The following RPS6KC1 variants were observed in gnomAD, a reference collection of about 807,000 sequenced individuals.
RPS6KC1 encodes the protein inactive ribosomal protein S6 kinase delta-1.
Under a neutral mutation model 103.8 loss-of-function variants are expected in RPS6KC1, and 54 were observed. The ratio of observed to expected loss-of-function variants is 0.52; its 90% confidence interval spans 0.42 to 0.65. The LOEUF (loss-of-function observed/expected upper bound fraction) is 0.65, where lower values mean the gene tolerates loss of function less well. Among genes scored for constraint, RPS6KC1 ranks in the 30% least tolerant of loss-of-function variants. The probability of loss-of-function intolerance (pLI) is 0.00; values close to 1 mark genes in which losing one functional copy is unlikely to be tolerated. For synonymous variants in RPS6KC1, 439 were observed against 438.7 expected (o/e 1.00, Z -0.01); for missense variants, 1,151 against 1,253.8 (o/e 0.92, Z 1.24).
the RPS6KC1 span, among the ~76,000 whole-genome samples, chr1:213,495,561 T>C: frequency 2.6e-5 from 4 of 152,196 alleles, no homozygotes; most frequent in African/African-American, 9.6e-5. Flanking sequence ...ACTCAGGTGA[T>C]CTGCCTGCCT....
intron 6 of RPS6KC1, among the ~76,000 whole-genome samples, chr1:213,137,777 C>CTCTCTCTCTCTA (rs1387641875): frequency 6.8e-4 from 43 of 63,580 alleles, no homozygotes; most frequent in Non-Finnish European, 8.4e-4. Flanking sequence ...CTCTCTCTCT[C>CTCTCTCTCTCTA]TATATATATA....
the RPS6KC1 span, among the ~76,000 whole-genome samples, chr1:213,637,011 G>A: frequency 9.2e-5 from 14 of 152,164 alleles, no homozygotes; most frequent in Non-Finnish European, 1.9e-4. Context: ...ACACATGAAA[G>A]AATGCTCATC....
At chr1:213,667,527 T>A in the RPS6KC1 span, among the ~76,000 whole-genome samples, 1 of 152,248 alleles carries the variant, frequency 6.6e-6, no homozygotes, top group African/African-American at 2.4e-5. Context: ...CAGGTGGTAA[T>A]CTTTTTGCTG....
At chr1:213,299,204 G>T in the RPS6KC1 span, among the ~76,000 whole-genome samples, 2 of 152,230 alleles carry the variant, frequency 1.3e-5, no homozygotes, top group Admixed American at 1.3e-4. Flanking sequence ...CCTAGCTGCA[G>T]AAATCACATA....
the RPS6KC1 span, among the ~76,000 whole-genome samples, chr1:213,704,385 CAAAAAAA>C: frequency 7.2e-5 from 2 of 27,662 alleles, no homozygotes; most frequent in African/African-American, 9.5e-5. Flanking sequence ...GACTCCGTCT[CAAAAAAA>C]AAAAAAAAAA....
At chr1:213,166,927 GTCTCGTATA>G (rs1375436806) in intron 6 of RPS6KC1, among the ~76,000 whole-genome samples, 3 of 152,140 alleles carry the variant, frequency 2.0e-5, no homozygotes, top group African/African-American at 7.2e-5. Context: ...TTTCTTTTAA[GTCTCGTATA>G]TCTGCTTTCT....
chr1:213,836,627 T>C, the RPS6KC1 span, among the ~76,000 whole-genome samples: 1 of 152,260 alleles, frequency 6.6e-6, no homozygotes, highest in Admixed American at 6.5e-5. Flanking sequence ...CAAACTTTTT[T>C]GATTGATAAA....
At chr1:213,677,171 T>A in the RPS6KC1 span, among the ~76,000 whole-genome samples, 2 of 152,202 alleles carry the variant, frequency 1.3e-5, no homozygotes, top group Admixed American at 1.3e-4. Flanking sequence ...TCTCTTGCCT[T>A]CTCCATCCCT....
At chr1:213,298,762 A>C in the RPS6KC1 span, among the ~76,000 whole-genome samples, 3 of 152,114 alleles carry the variant, frequency 2.0e-5, no homozygotes, top group East Asian at 5.8e-4. Context: ...CTTGTTTTAT[A>C]ATGTAATTTT....
chr1:213,675,525 G>C, the RPS6KC1 span, among the ~76,000 whole-genome samples: 1 of 152,140 alleles, frequency 6.6e-6, no homozygotes, highest in African/African-American at 2.4e-5. Context: ...GCTTATTTTT[G>C]TTGGTCTTAC....
At chr1:213,461,898 A>G in the RPS6KC1 span, among the ~76,000 whole-genome samples, 247 of 152,362 alleles carry the variant, frequency 1.6e-3, 1 homozygote, top group South Asian at 9.1e-3. Flanking sequence ...AGCAATGGCA[A>G]CAAAAGCCAA....
the RPS6KC1 span, among the ~76,000 whole-genome samples, chr1:213,753,234 T>C: frequency 1.3e-5 from 2 of 152,158 alleles, no homozygotes; most frequent in African/African-American, 4.8e-5. Context: ...TATTTTAGTG[T>C]AAGGTCAAAG....
chr1:213,374,765 G>A, the RPS6KC1 span, among the ~76,000 whole-genome samples: 3 of 152,234 alleles, frequency 2.0e-5, no homozygotes, highest in Non-Finnish European at 4.4e-5. Flanking sequence ...TGGCTGGAAT[G>A]AGAAATGTGG....
chr1:213,323,210 C>T, the RPS6KC1 span, among the ~76,000 whole-genome samples: 2 of 152,106 alleles, frequency 1.3e-5, no homozygotes, highest in East Asian at 3.8e-4. Context: ...TAGACCCACC[C>T]CATAATCTAG....
intron 1 of RPS6KC1, among the ~76,000 whole-genome samples, chr1:213,061,816 GAA>G (rs1003993905): frequency 7.2e-5 from 11 of 152,094 alleles, no homozygotes; most frequent in Non-Finnish European, 1.5e-4. Flanking sequence ...TTTGAAAAAT[GAA>G]AAGAGTGGAC....
intron 6 of RPS6KC1, among the ~76,000 whole-genome samples, chr1:213,135,607 A>G (rs116391632): frequency 0.024 from 3,679 of 152,248 alleles, 64 homozygotes; most frequent in African/African-American, 0.043. Flanking sequence ...AATTTTTCAG[A>G]TCTTAACTGT....
chr1:213,494,466 T>C, the RPS6KC1 span, among the ~76,000 whole-genome samples: 3 of 151,948 alleles, frequency 2.0e-5, no homozygotes, highest in African/African-American at 7.2e-5. Context: ...ACCCTAAAAT[T>C]TTAATAGCGG....
intron 10 of RPS6KC1, among the ~76,000 whole-genome samples, chr1:213,239,166 A>C (rs945715076): frequency 6.6e-6 from 1 of 152,054 alleles, no homozygotes; most frequent in African/African-American, 2.4e-5. Context: ...ACTGGTATCA[A>C]AATGGGGAAG....
intron 6 of RPS6KC1, among the ~76,000 whole-genome samples, chr1:213,157,169 TATGCATTC>T (rs373661844): frequency 1.1e-4 from 16 of 152,294 alleles, no homozygotes; most frequent in Non-Finnish European, 2.1e-4. Flanking sequence ...ATTTTTAAGA[TATGCATTC>T]TTTAGTTTTC....
Sources: gnomAD v4.1 joint callset for allele counts (sites outside exome capture counted in the v4.1 genomes callset) on GRCh38, gnomAD v4.1.1 for gene constraint, MANE v1.5 for transcripts, NCBI Gene and HGNC (gene_info 2026-07-23, HGNC 2026-07-21) for gene names.